UBE2W: variants seen among roughly 807,000 people sequenced by gnomAD.
The protein encoded by UBE2W is ubiquitin-conjugating enzyme E2 W.
A neutral mutation model predicts 27.2 loss-of-function variants in UBE2W; 18 were observed. The ratio of observed to expected loss-of-function variants is 0.66; its 90% CI spans 0.46 to 0.98. UBE2W has a LOEUF of 0.98. Among genes scored for constraint, UBE2W ranks in the 50% least tolerant of loss-of-function variants. The probability of loss-of-function intolerance (pLI) is 0.00; values close to 1 mark genes in which losing one functional copy is unlikely to be tolerated. For synonymous variants in UBE2W, 53 were observed against 57.2 expected (o/e 0.93, Z 0.33); for missense variants, 90 against 180.2 (o/e 0.50, Z 2.87).
At chr8:73,794,339 A>G (rs79369738) in intron 5 of UBE2W, among the ~76,000 whole-genome samples, 2,231 of 152,292 alleles carry the variant, frequency 0.015, 45 homozygotes, top group African/African-American at 0.05. Context: ...CCTTAAAATG[A>G]TATGTTATTA....
rs1391688668 is a variant in UBE2W at position 73,789,124 on chromosome 8, A to G, written c.*4978T>C. 4 of 984,950 alleles carry G rather than the reference A, an allele frequency of 4.1e-6. No homozygotes were observed. Among genetic ancestry groups the G allele is most frequent in the South Asian group, 4.7e-5 (1 of 21,266 alleles). 61.0% of individuals were successfully genotyped at this position (984,950 alleles called of 1,614,324 possible). Reference sequence around the variant, plus strand: ...GGATAGAGAGCTAAGTTTCAAGTACATGTCTAGATTCTATGTGCCTCTAAT... The same window carrying G: ...GGATAGAGAGCTAAGTTTCAAGTACGTGTCTAGATTCTATGTGCCTCTAAT... On this transcript the variant is annotated 3_prime_UTR_variant, in exon 6 of 6. Transcript: ENST00000602593.
intron 1 of UBE2W, among the ~76,000 whole-genome samples, chr8:73,877,774 A>C (rs530338048): frequency 1.5e-4 from 23 of 152,220 alleles, no homozygotes; most frequent in Non-Finnish European, 2.8e-4. Flanking sequence ...CCTGTGAATT[A>C]AATGCAGGCT....
chr8:73,809,331 T>C (rs1809053220), intron 4 of UBE2W, among the ~76,000 whole-genome samples: 1 of 152,128 alleles, frequency 6.6e-6, no homozygotes, highest in Non-Finnish European at 1.5e-5. Context: ...GACAATCAGT[T>C]CAATTTGGAG....
intron 3 of UBE2W, among the ~76,000 whole-genome samples, 152 bp from the exon 4 acceptor site, chr8:73,810,781 C>A (rs1809120266): frequency 6.6e-6 from 1 of 152,128 alleles, no homozygotes. Context: ...TATTTGTTTA[C>A]TCTCATTAAC....
downstream of UBE2W, among the ~76,000 whole-genome samples, chr8:73,785,775 G>A (rs1451024159): frequency 1.3e-5 from 2 of 152,016 alleles, no homozygotes; most frequent in Non-Finnish European, 2.9e-5. Context: ...TAGTAGATAC[G>A]GGGTTTCACC....
At chr8:73,845,847 T>C (rs1810776883) in intron 1 of UBE2W, among the ~76,000 whole-genome samples, 1 of 152,170 alleles carries the variant, frequency 6.6e-6, no homozygotes, top group South Asian at 2.1e-4. Flanking sequence ...ATATATTTTA[T>C]GTAAGTAAAA....
chr8:73,877,604 G>A (rs1333558245), intron 1 of UBE2W, among the ~76,000 whole-genome samples: 1 of 152,240 alleles, frequency 6.6e-6, no homozygotes, highest in South Asian at 2.1e-4. Context: ...AGGAGGAACA[G>A]AGACTTGCTT....
At chr8:73,865,121 A>G (rs1271804702) in intron 1 of UBE2W, among the ~76,000 whole-genome samples, 1 of 143,132 alleles carries the variant, frequency 7.0e-6, no homozygotes, top group African/African-American at 2.7e-5. Flanking sequence ...GTTTGACCTC[A>G]GCTGGGAGTG....
At chr8:73,813,844 CCAGGTT>C (rs1391360004) in intron 3 of UBE2W, among the ~76,000 whole-genome samples, 3 of 151,990 alleles carry the variant, frequency 2.0e-5, no homozygotes, top group African/African-American at 7.2e-5. Flanking sequence ...TCCCCGCCTC[CCAGGTT>C]CAAGTGATTC....
chr8:73,804,458 T>C (rs973014591), intron 5 of UBE2W, among the ~76,000 whole-genome samples: 6 of 152,134 alleles, frequency 3.9e-5, no homozygotes, highest in Admixed American at 2.6e-4. Context: ...TTAGAAATAC[T>C]AGCAGCTCTG....
At chr8:73,784,925 C>T (rs1369062876), downstream of UBE2W, among the ~76,000 whole-genome samples, 2 of 152,096 alleles carry the variant, frequency 1.3e-5, no homozygotes, top group Non-Finnish European at 2.9e-5. Flanking sequence ...AGTTGCTGGG[C>T]TCATCTCTCA....
rs545783905 is a variant in UBE2W at position 73,862,246 on chromosome 8, T to C, written c.15+16562A>G. Among the ~76,000 whole-genome samples, 29 of 152,330 alleles carry C rather than the reference T, an allele frequency of 1.9e-4. 1 individual carries two copies. Among genetic ancestry groups the C allele is most frequent in the South Asian group, 1.0e-3 (5 of 4,830 alleles). ...GGATTTGAGACCAGCCTGGCCAACA[T>C]GGTGAAACCCTGTCTCTATTAAAAA... On this transcript the variant is annotated intron_variant, in intron 1 of 5. Transcript: ENST00000602593.
chr8:73,791,960 C>T lies in UBE2W; in HGVS notation c.*2142G>A, dbSNP rs1586434934. ...ATAGTATAGCATTGTTAATCTTTGA[C>T]TCAGTATATTAATTCCTTTGGTGAA... On this transcript the variant is annotated 3_prime_UTR_variant, in exon 6 of 6. Coordinates refer to ENST00000602593, the MANE Select transcript of UBE2W (RefSeq NM_018299.6). 1.0e-6 allele frequency: 1 copy of T among 985,174 alleles called. No individual in the cohort carries two copies. The highest frequency in any genetic ancestry group is 1.7e-5 in the African/African-American group (1 of 57,322). The allele number at this position is 985,174 out of a possible 1,614,324, so 61.0% of individuals were successfully genotyped here.
At chr8:73,851,819 GAGTATT>G (rs1192110404) in intron 1 of UBE2W, among the ~76,000 whole-genome samples, 3 of 152,094 alleles carry the variant, frequency 2.0e-5, no homozygotes, top group Non-Finnish European at 4.4e-5. Flanking sequence ...GCTGACCCCA[GAGTATT>G]AGTCTGGATC....
Position 73,790,628 on chromosome 8 carries a change from T to C in UBE2W, c.*3474A>G, listed in dbSNP as rs1309842687. The C allele has an allele frequency of 1.0e-6, 1 of 984,930 alleles. No homozygotes were observed. Among genetic ancestry groups the C allele is most frequent in the African/African-American group, 1.7e-5 (1 of 57,218 alleles). 61.0% of individuals were successfully genotyped at this position (984,930 alleles called of 1,614,324 possible). A position where few individuals can be genotyped will look rare whatever the true frequency, so the allele number is the denominator to read the frequency against. On this transcript the variant is annotated 3_prime_UTR_variant, in exon 6 of 6. Coordinates refer to ENST00000602593, the MANE Select transcript of UBE2W (RefSeq NM_018299.6). ...GCTTAGAACTAGTGACACTGAATTC[T>C]TTATTTAAAAAAATTTTTGTAACAC...
intron 3 of UBE2W, among the ~76,000 whole-genome samples, chr8:73,823,619 T>G (rs879451054): frequency 6.6e-6 from 1 of 152,244 alleles, no homozygotes; most frequent in Non-Finnish European, 1.5e-5. Context: ...GACAATCTTC[T>G]GGAGAGAAGA....
At chr8:73,848,457 T>A (rs1810911190) in intron 1 of UBE2W, among the ~76,000 whole-genome samples, 1 of 151,816 alleles carries the variant, frequency 6.6e-6, no homozygotes, top group Non-Finnish European at 1.5e-5. Flanking sequence ...GTGGCTGAGG[T>A]GGGAGGATCG....
chr8:73,797,907 T>C (rs1229264716), intron 5 of UBE2W, among the ~76,000 whole-genome samples: 1 of 152,218 alleles, frequency 6.6e-6, no homozygotes. Context: ...TTTTTAAGTA[T>C]CAACATGACA....
intron 1 of UBE2W, among the ~76,000 whole-genome samples, chr8:73,857,630 A>C (rs991678021): frequency 1.3e-5 from 2 of 152,012 alleles, no homozygotes; most frequent in Non-Finnish European, 2.9e-5. Flanking sequence ...AGCCTGGCCA[A>C]TATAGTGAAA....
Sources: allele counts gnomAD v4.1 joint callset (sites outside exome capture counted in the v4.1 genomes callset), GRCh38; gene constraint gnomAD v4.1.1; transcripts MANE v1.5; gene names NCBI Gene and HGNC (gene_info 2026-07-23, HGNC 2026-07-21).